NPAT: variants seen among roughly 807,000 people sequenced by gnomAD.
NPAT encodes nuclear protein, coactivator of histone transcription, also known as protein NPAT.
Under a neutral mutation model 130.7 loss-of-function variants are expected in NPAT, and 52 were observed. That is an observed-to-expected ratio of 0.40 (90% CI 0.32 to 0.50). The LOEUF is 0.50. NPAT is among the 20% of genes least tolerant of loss of function. The pLI, the probability that NPAT is intolerant of heterozygous loss-of-function variation, is 0.68. For synonymous variants in NPAT, 580 were observed against 584.8 expected (o/e 0.99, Z 0.12); for missense variants, 1,687 against 1,662.6 (o/e 1.01, Z -0.26).
intron 1 of NPAT, among the ~76,000 whole-genome samples, chr11:108,218,325 G>A (rs1591422882): frequency 1.3e-5 from 2 of 152,278 alleles, no homozygotes; most frequent in Non-Finnish European, 2.9e-5. Flanking sequence ...CTAACTATAT[G>A]AAGGGTATTT....
intron 15 of NPAT, among the ~76,000 whole-genome samples, chr11:108,168,340 A>G (rs893316442): frequency 6.6e-6 from 1 of 152,188 alleles, no homozygotes; most frequent in African/African-American, 2.4e-5. Flanking sequence ...TATGCAAGTG[A>G]TAGATATCAA....
chr11:108,208,525 C>A, intron 1 of NPAT: 1 of 452,914 alleles, frequency 2.2e-6, no homozygotes, highest in South Asian at 1.6e-5. Flanking sequence ...GAGGTCGAGG[C>A]TGCAGCGAAC....
intron 8 of NPAT, 118 bp downstream of exon 8, chr11:108,186,364 T>C: frequency 1.3e-6 from 1 of 769,378 alleles, no homozygotes; most frequent in Non-Finnish European, 2.3e-6. Context: ...TACAGATATC[T>C]ATAAACTTAC....
chr11:108,172,209 G>A lies in NPAT; in HGVS notation c.2775C>T (p.Asn925=). Residue 925 remains asparagine (N), a synonymous_variant, in exon 13 of 18, where the codon AAC becomes AAT. Transcript: ENST00000278612. Reference sequence around the variant, plus strand: ...TGTTATTAAAGTTACCTTGTGAAAAGTTTGGTGACACAGCTTGGTTGACAG... The same window carrying A: ...TGTTATTAAAGTTACCTTGTGAAAAATTTGGTGACACAGCTTGGTTGACAG... ...VFAVNQAVSP[N]FSQGSAIIIA... The A allele has an allele frequency of 6.2e-7, 1 of 1,614,022 alleles. No homozygotes were observed. The highest frequency in any genetic ancestry group is 1.1e-5 in the South Asian group (1 of 91,078).
At chr11:108,215,919 C>T (rs967686341) in intron 1 of NPAT, among the ~76,000 whole-genome samples, 8 of 152,206 alleles carry the variant, frequency 5.3e-5, no homozygotes, top group African/African-American at 1.7e-4. Context: ...GAACATCAAA[C>T]CACAGATGTG....
At chr11:108,191,051 G>C (rs1365077807) in intron 4 of NPAT, among the ~76,000 whole-genome samples, 1 of 152,160 alleles carries the variant, frequency 6.6e-6, no homozygotes, top group East Asian at 1.9e-4. Context: ...TTGGGTAACA[G>C]AGTGAGACCC....
chr11:108,166,507 T>G (rs749312632), intron 15 of NPAT, among the ~76,000 whole-genome samples: 3 of 152,240 alleles, frequency 2.0e-5, no homozygotes, highest in Admixed American at 6.5e-5. Context: ...TTAATCATCT[T>G]GGACTTCATC....
chr11:108,185,592 T>A (rs1426881590), intron 8 of NPAT, 98 bp from the exon 9 acceptor site: 6 of 813,356 alleles, frequency 7.4e-6, no homozygotes, highest in Non-Finnish European at 1.2e-5. Context: ...CTGGATAGTT[T>A]TAATAAACCT....
In NPAT at chr11:108,177,061, T is replaced by C. The variant is rs370853911; in HGVS notation, c.936A>G (p.Ile312Met). ...PSEIHMSEEAIQDILEQTESD... is the reference protein window; with the variant it reads ...PSEIHMSEEAMQDILEQTESD... ...ATTCTGTCTGTTCCAATATGTCCTG[T>C]ATAGCTTCTTCAGACATGTGAATTT... The change falls in exon 11 of 18, where the codon ATA becomes ATG. Residue 312 changes from isoleucine to methionine, a missense_variant. By Grantham distance (10) the Ile-to-Met change is conservative. Around this residue, in one of 3 missense-constraint regions of NPAT, gnomAD observed 1,379 missense variants for 1,346.6 expected, o/e 1.02. Coordinates refer to ENST00000278612, the MANE Select transcript of NPAT (RefSeq NM_002519.3). The C allele has an allele frequency of 1.2e-6, 2 of 1,612,880 alleles. No individual in the cohort carries two copies.
At position 108,161,470 on chromosome 11, in the gene NPAT, C is replaced by G; in HGVS notation, c.3616G>C (p.Glu1206Gln). ...GATGTGCCTTGTTTTTTGGTCATTT[C>G]TTGCAGTGAAGCTATAGATTTCTCA... ...RSEKSIASLQ[E>Q]MTKKQGTSSN... Residue 1206 changes from glutamate to glutamine, a missense_variant, in exon 17 of 18, where the codon GAA becomes CAA. Around this residue, in one of 3 missense-constraint regions of NPAT, gnomAD observed 1,379 missense variants for 1,346.6 expected, o/e 1.02. Coordinates refer to ENST00000278612, the MANE Select transcript of NPAT (RefSeq NM_002519.3). 2 of 1,614,178 alleles carry G rather than the reference C, an allele frequency of 1.2e-6. No homozygotes were observed. Among genetic ancestry groups the G allele is most frequent in the Middle Eastern group, 1.6e-4 (1 of 6,062 alleles).
chr11:108,168,684 T>C (rs2077922731), intron 15 of NPAT, among the ~76,000 whole-genome samples: 1 of 152,174 alleles, frequency 6.6e-6, no homozygotes, highest in Admixed American at 6.5e-5. Context: ...AAATGCTTCC[T>C]AGGAACATTT....
intron 10 of NPAT, among the ~76,000 whole-genome samples, chr11:108,181,615 C>A (rs1356063370): frequency 6.6e-6 from 1 of 151,940 alleles, no homozygotes; most frequent in Non-Finnish European, 1.5e-5. Context: ...TAAACACTCC[C>A]CTTTGGGCTT....
intron 10 of NPAT, among the ~76,000 whole-genome samples, chr11:108,183,948 CG>C (rs2078080282): frequency 6.8e-6 from 1 of 146,790 alleles, no homozygotes; most frequent in Non-Finnish European, 1.5e-5. Context: ...CACTCAAGCC[CG>C]GGCAACAAAG....
At position 108,172,643 on chromosome 11, in the gene NPAT, T is replaced by C. The variant is rs964723039; in HGVS notation, c.2341A>G (p.Thr781Ala). The change falls in exon 13 of 18, where the codon ACT (threonine) becomes GCT (alanine). Residue 781 changes from threonine to alanine, a missense_variant. Coordinates refer to ENST00000278612, the MANE Select transcript of NPAT (RefSeq NM_002519.3). ...IILSSPTKSP[T>A]KNAELVKCLS... The stretch of plus-strand genomic sequence containing the variant: ...CATTTAACTAGTTCTGCATTTTTAG[T>C]AGGTGATTTAGTAGGAGAAGACAAG... 1 of 1,614,016 alleles carries C rather than the reference T, an allele frequency of 6.2e-7. No individual in the cohort carries two copies. The highest frequency in any genetic ancestry group is 8.5e-7 in the Non-Finnish European group (1 of 1,180,014).
intron 1 of NPAT, among the ~76,000 whole-genome samples, chr11:108,213,330 G>C (rs183103239): frequency 1.3e-4 from 20 of 152,204 alleles, no homozygotes; most frequent in Non-Finnish European, 2.8e-4. Context: ...CTTCGACAAG[G>C]TTGCAGGATA....
At chr11:108,210,373 G>A (rs2078373130) in intron 1 of NPAT, among the ~76,000 whole-genome samples, 1 of 152,140 alleles carries the variant, frequency 6.6e-6, no homozygotes, top group South Asian at 2.1e-4. Flanking sequence ...CTATCCTTGA[G>A]ATAGTCAGTT....
At chr11:108,170,286 T>C (rs910290905) in intron 13 of NPAT, 11 of 453,616 alleles carry the variant, frequency 2.4e-5, no homozygotes, top group Admixed American at 2.4e-4. Context: ...TAAGGTGGTC[T>C]TAATGTTATT....
chr11:108,190,905 T>C (rs2078163167), intron 4 of NPAT, among the ~76,000 whole-genome samples: 1 of 152,146 alleles, frequency 6.6e-6, no homozygotes, highest in Admixed American at 6.5e-5. Flanking sequence ...AGACTCTGTC[T>C]CTATAAAATG....
At chr11:108,185,164 C>G in intron 10 of NPAT, 68 bp downstream of exon 10, 1 of 1,088,146 alleles carries the variant, frequency 9.2e-7, no homozygotes, top group Non-Finnish European at 1.4e-6. Context: ...TGAAATGAAA[C>G]CAAAATTACC....
Sources: allele counts gnomAD v4.1 joint callset (sites outside exome capture counted in the v4.1 genomes callset), GRCh38; gene constraint gnomAD v4.1.1; regional missense constraint gnomAD v4.1.1; transcripts MANE v1.5; gene names NCBI Gene and HGNC (gene_info 2026-07-23, HGNC 2026-07-21).